Variants in COL11A2 observed in about 807,000 individuals in gnomAD.
COL11A2 encodes the protein collagen type XI alpha 2 chain.
Under a neutral mutation model 273.4 loss-of-function variants are expected in COL11A2, and 116 were observed. That is an observed-to-expected ratio of 0.42 (90% CI 0.36 to 0.49). COL11A2 has a LOEUF of 0.49. Ranked by LOEUF, COL11A2 falls within the 20% of genes least tolerant of loss-of-function variation. COL11A2 has a pLI of 0.00. For missense variants in COL11A2, 1,866 were observed against 2,309.0 expected (o/e 0.81, Z 3.93); for synonymous variants, 782 against 864.2 (o/e 0.90, Z 1.67).
At position 33,173,561 on chromosome 6, in the gene COL11A2, G is replaced by T; in HGVS notation, c.2629-6C>A. 1 of 1,346,680 alleles carries T rather than the reference G, an allele frequency of 7.4e-7. No homozygotes were observed. The allele number at this position is 1,346,680 out of a possible 1,614,324, so 83.4% of individuals were successfully genotyped here. A position where few individuals can be genotyped will look rare whatever the true frequency, so the allele number is the denominator to read the frequency against. ...CCCTGAGGTCCAGGGAGGCCCTAGA[G>T]ACAGAGGTGGGGGGAGTCAGGAGAA... On this transcript the variant is annotated splice_region_variant and splice_polypyrimidine_tract_variant and intron_variant, in intron 35 of 65. Coordinates refer to ENST00000341947, the MANE Select transcript of COL11A2 (RefSeq NM_080680.3). The surrounding 1 kb of genome is among the most constrained non-coding windows in gnomAD (Gnocchi z 6.3).
intron 3 of COL11A2, 63 bp downstream of exon 3, chr6:33,188,915 G>C: frequency 6.4e-7 from 1 of 1,565,354 alleles, no homozygotes; most frequent in Non-Finnish European, 8.8e-7. Context: ...AGAGTGTAGG[G>C]GTTTGGGGGC....
upstream of COL11A2, chr6:33,192,629 G>C: frequency 5.8e-6 from 2 of 346,876 alleles, no homozygotes; most frequent in Non-Finnish European, 1.1e-5. Flanking sequence ...GCTCTCTCCT[G>C]CCCCTTGTAG....
At position 33,164,192 on chromosome 6, in the gene COL11A2, C is replaced by A. The variant is rs746809867; in HGVS notation, c.5070+75G>T. On this transcript the variant is annotated intron_variant, in intron 65 of 65. Transcript: ENST00000341947. This position sits in a 1 kb window ranked among gnomAD's most constrained non-coding sequence, Gnocchi z 4.7. ...TCCCTGCTCCCCCTGGGTGCCCTGCCCAAGGGGTCTTCCCACCTCCTTCCT... is the reference window on the plus strand; with the variant it reads ...TCCCTGCTCCCCCTGGGTGCCCTGCACAAGGGGTCTTCCCACCTCCTTCCT... 134 of 1,554,168 alleles carry A rather than the reference C, an allele frequency of 8.6e-5. No homozygotes were observed. The highest frequency in any genetic ancestry group is 1.1e-4 in the Non-Finnish European group (126 of 1,140,454).
In COL11A2 at chr6:33,171,338, G is replaced by A; in HGVS notation, c.3259-14C>T. The stretch of plus-strand genomic sequence containing the variant: ...CCCCACCTCACCCTGGGAGGAGAAG[G>A]CAGACAAGATATTAGAGAAAGGTGA... On this transcript the variant is annotated splice_polypyrimidine_tract_variant and intron_variant, in intron 43 of 65. Coordinates refer to ENST00000341947, the MANE Select transcript of COL11A2 (RefSeq NM_080680.3). 6.2e-7 allele frequency: 1 copy of A among 1,614,178 alleles called. No individual in the cohort carries two copies. The highest frequency in any genetic ancestry group is 1.1e-5 in the South Asian group (1 of 91,090).
At chr6:33,175,965 T>C (rs779878255) in intron 29 of COL11A2, 51 bp downstream of exon 29, 2 of 1,602,020 alleles carry the variant, frequency 1.2e-6, no homozygotes, top group African/African-American at 2.7e-5. Flanking sequence ...GTCTCCAGAG[T>C]GGAGGCTCAG....
In COL11A2 at chr6:33,165,722, T is replaced by C. The variant is rs1209736959; in HGVS notation, c.4577A>G (p.Glu1526Gly). ...GGGGGCTCCCCCGGTCGGTATGGCC[T>C]CATCTTCCTGCATCAGACGGCTTCC... ...VDGSRLMQED[E>G]AIPTGGAPGS... The change falls in exon 63 of 66, where the codon GAG becomes GGG. Residue 1526 changes from glutamate (E) to glycine (G), a missense_variant. Glu to Gly is a moderately conservative substitution (Grantham distance 98). Transcript: ENST00000341947. The surrounding 1 kb of genome is among the most constrained non-coding windows in gnomAD (Gnocchi z 7.7). 1 of 1,611,408 alleles carries C rather than the reference T, an allele frequency of 6.2e-7. No homozygotes were observed. Among genetic ancestry groups the C allele is most frequent in the Non-Finnish European group, 8.5e-7 (1 of 1,179,966 alleles).
Position 33,178,998 on chromosome 6 carries a change from A to T in COL11A2, c.1612-25T>A. 6.2e-7 allele frequency: 1 copy of T among 1,614,010 alleles called. No individual in the cohort carries two copies. The highest frequency in any genetic ancestry group is 8.5e-7 in the Non-Finnish European group (1 of 1,179,950). The stretch of plus-strand genomic sequence containing the variant: ...CCTGGGAGAACAAGGGAAGTGTCAG[A>T]ACAAGCAGGGCCGCAGTCCCCTACC... On this transcript the variant is annotated intron_variant, in intron 16 of 65. Coordinates refer to ENST00000341947, the MANE Select transcript of COL11A2 (RefSeq NM_080680.3). The surrounding 1 kb of genome is among the most constrained non-coding windows in gnomAD (Gnocchi z 4.6).
chr6:33,166,439 A>T lies in COL11A2; in HGVS notation c.4392+74T>A, dbSNP rs1202966909. The T allele has an allele frequency of 1.3e-6, 2 of 1,535,498 alleles. No homozygotes were observed. The highest frequency in any genetic ancestry group is 1.8e-6 in the Non-Finnish European group (2 of 1,121,790). On this transcript the variant is annotated intron_variant, in intron 60 of 65. Transcript: ENST00000341947. This position sits in a 1 kb window ranked among gnomAD's most constrained non-coding sequence, Gnocchi z 4.8. ...GCTTGTTAGGCTGGTAGTTCCATGG[A>T]AGTCGTTGGGAGGCTGTGGGTGGGC...
chr6:33,175,988 T>C lies in COL11A2; in HGVS notation c.2268+28A>G, dbSNP rs184385243. The stretch of plus-strand genomic sequence containing the variant: ...AGTGGAGGCTCAGTAGAACACGGAA[T>C]TGGGGCCAGTGTGGGGTCTCTACTC... On this transcript the variant is annotated intron_variant, in intron 29 of 65. Coordinates refer to ENST00000341947, the MANE Select transcript of COL11A2 (RefSeq NM_080680.3). 2.1e-3 allele frequency: 3,357 copies of C among 1,612,662 alleles called. 6 individuals carry two copies. The highest frequency in any genetic ancestry group is 2.7e-3 in the Non-Finnish European group (3,133 of 1,179,726).
rs144862714 is a variant in COL11A2, at chr6:33,179,802, G to A, written c.1363C>T (p.Arg455Trp). 5.5e-5 allele frequency: 89 copies of A among 1,610,772 alleles called. No homozygotes were observed. Among genetic ancestry groups the A allele is most frequent in the Admixed American group, 1.5e-4 (9 of 60,022 alleles). Residue 455 changes from arginine (R) to tryptophan (W), a missense_variant, in exon 13 of 66, where the codon CGG becomes TGG. Physicochemically the swap from Arg to Trp is moderately radical, Grantham distance 101. Transcript: ENST00000341947. This position sits in a 1 kb window ranked among gnomAD's most constrained non-coding sequence, Gnocchi z 6.4. Reference sequence around the variant, plus strand: ...TTGTCACCCCCACCACTGCCAAACCGGAACTGAGGTCAAGGAGAGAAGGTC... The same window carrying A: ...TTGTCACCCCCACCACTGCCAAACCAGAACTGAGGTCAAGGAGAGAAGGTC... ...PPGTSLMLPF[R>W]FGSGGGDKGP... is the part of the protein sequence containing the mutation.
Position 33,163,573 on chromosome 6 carries a change from G to C in COL11A2, c.*105C>G, listed in dbSNP as rs1768643523. 1 of 1,574,274 alleles carries C rather than the reference G, an allele frequency of 6.4e-7. No homozygotes were observed. The highest frequency in any genetic ancestry group is 8.7e-7 in the Non-Finnish European group (1 of 1,145,744). On this transcript the variant is annotated 3_prime_UTR_variant, in exon 66 of 66. Coordinates refer to ENST00000341947, the MANE Select transcript of COL11A2 (RefSeq NM_080680.3). This position sits in a 1 kb window ranked among gnomAD's most constrained non-coding sequence, Gnocchi z 4.1. ...AGGGCTCTCCACGCCCTGGCCCAGG[G>C]CTCCCTAGATAGTGAGGAGCCCTCT...
rs1414049953 is a variant in COL11A2 at position 33,178,895 on chromosome 6, T to C, written c.1665+25A>G. The C allele has an allele frequency of 6.2e-7, 1 of 1,613,696 alleles. No individual in the cohort carries two copies. On this transcript the variant is annotated intron_variant, in intron 17 of 65. Transcript: ENST00000341947. The surrounding 1 kb of genome is among the most constrained non-coding windows in gnomAD (Gnocchi z 4.6). ...CAGCGTGGGCTGAAGGCTACAGGCT[T>C]CAGGGAGGGGCCCAAGCCTGTTACC...
chr6:33,166,922 G>A lies in COL11A2; in HGVS notation c.4231-95C>T, dbSNP rs1769236877. On this transcript the variant is annotated intron_variant, in intron 58 of 65. Coordinates refer to ENST00000341947, the MANE Select transcript of COL11A2 (RefSeq NM_080680.3). This position sits in a 1 kb window ranked among gnomAD's most constrained non-coding sequence, Gnocchi z 4.8. ...GGACATGGAGAGGGAGCCGGGCACA[G>A]GGTCCGTGAGTGGCCCTCACTGAGC... 1 of 1,517,832 alleles carries A rather than the reference G, an allele frequency of 6.6e-7. No individual in the cohort carries two copies. The highest frequency in any genetic ancestry group is 1.2e-5 in the South Asian group (1 of 86,262). 94.0% of individuals were successfully genotyped at this position (1,517,832 alleles called of 1,614,324 possible).
Position 33,170,217 on chromosome 6 carries a change from G to T in COL11A2, c.3582+109C>A. ...GTGAGGCAGTGGAGGCCTCCCGGGA[G>T]TAAGGGCTTCTCTTGGCCCCTGAGA... is the stretch of plus-strand genomic sequence containing the variant. On this transcript the variant is annotated intron_variant, in intron 48 of 65. Coordinates refer to ENST00000341947, the MANE Select transcript of COL11A2 (RefSeq NM_080680.3). The surrounding 1 kb of genome is among the most constrained non-coding windows in gnomAD (Gnocchi z 4.3). 6.4e-7 allele frequency: 1 copy of T among 1,572,382 alleles called. No homozygotes were observed. Among genetic ancestry groups the T allele is most frequent in the Non-Finnish European group, 8.7e-7 (1 of 1,144,982 alleles).
In COL11A2 at chr6:33,173,607, G is replaced by A. The variant is rs908899391; in HGVS notation, c.2629-52C>T. The A allele has an allele frequency of 3.6e-6, 4 of 1,126,312 alleles. No individual in the cohort carries two copies. The highest frequency in any genetic ancestry group is 5.2e-6 in the Non-Finnish European group (4 of 773,022). The allele number at this position is 1,126,312 out of a possible 1,614,324, so 69.8% of individuals were successfully genotyped here. On this transcript the variant is annotated intron_variant, in intron 35 of 65. Transcript: ENST00000341947. This position sits in a 1 kb window ranked among gnomAD's most constrained non-coding sequence, Gnocchi z 6.3. ...GAGAATGGGGGCAGGGGCTGAGTGG[G>A]GGAACTCAGCTTCCTTCCTGGGGTG...
In COL11A2 at chr6:33,174,217, C is replaced by T; in HGVS notation, c.2432G>A (p.Gly811Glu). 1 of 1,565,420 alleles carries T rather than the reference C, an allele frequency of 6.4e-7. No homozygotes were observed. The highest frequency in any genetic ancestry group is 8.7e-7 in the Non-Finnish European group (1 of 1,155,148). ...AGGAAAGCCAGGAAATCCTAGGGACCCCTGGTGAGAACGGAGAAGGGGGGA... is the reference window on the plus strand; with the variant it reads ...AGGAAAGCCAGGAAATCCTAGGGACTCCTGGTGAGAACGGAGAAGGGGGGA... ...PGYPGRQGPK[G>E]SLGFPGFPGA... is the part of the protein sequence containing the mutation. The change falls in exon 32 of 66, where the codon GGG becomes GAG. Residue 811 changes from glycine to glutamate, a missense_variant and splice_region_variant. By Grantham distance (98) the Gly-to-Glu change is moderately conservative (BLOSUM62 -2). Coordinates refer to ENST00000341947, the MANE Select transcript of COL11A2 (RefSeq NM_080680.3).
In COL11A2 at chr6:33,167,642, T is replaced by A. The variant is rs1221701512; in HGVS notation, c.4015-109A>T. On this transcript the variant is annotated intron_variant, in intron 55 of 65. Coordinates refer to ENST00000341947, the MANE Select transcript of COL11A2 (RefSeq NM_080680.3). The surrounding 1 kb of genome is among the most constrained non-coding windows in gnomAD (Gnocchi z 6.1). ...GAGGCAGGGAGGAAGGGCCAAACTC[T>A]AGGAGCCCCTAGCGCAGGAACAAGT... 1 of 1,457,396 alleles carries A rather than the reference T, an allele frequency of 6.9e-7. No individual in the cohort carries two copies. The highest frequency in any genetic ancestry group is 9.5e-7 in the Non-Finnish European group (1 of 1,053,780). The allele number at this position is 1,457,396 out of a possible 1,614,324, so 90.3% of individuals were successfully genotyped here.
rs984067928 is a variant in COL11A2 at position 33,176,790 on chromosome 6, G to A, written c.2071-25C>T. 1 of 1,610,522 alleles carries A rather than the reference G, an allele frequency of 6.2e-7. No individual in the cohort carries two copies. Among genetic ancestry groups the A allele is most frequent in the Non-Finnish European group, 8.5e-7 (1 of 1,178,672 alleles). Reference sequence around the variant, plus strand: ...CCTGGGAGTAAGGGATAGAAAATGTGACCAGTGGCCCCTGTCACCCTCTCT... The same window carrying A: ...CCTGGGAGTAAGGGATAGAAAATGTAACCAGTGGCCCCTGTCACCCTCTCT... On this transcript the variant is annotated intron_variant, in intron 25 of 65. Coordinates refer to ENST00000341947, the MANE Select transcript of COL11A2 (RefSeq NM_080680.3). The surrounding 1 kb of genome is among the most constrained non-coding windows in gnomAD (Gnocchi z 4.9).
At chr6:33,191,393 C>T (rs934855451) in intron 1 of COL11A2, among the ~76,000 whole-genome samples, 7 of 152,238 alleles carry the variant, frequency 4.6e-5, no homozygotes, top group African/African-American at 1.2e-4. Flanking sequence ...GCTCACAGCC[C>T]CCTCCTTGAC....
Sources: allele counts gnomAD v4.1 joint callset (sites outside exome capture counted in the v4.1 genomes callset), GRCh38; gene constraint gnomAD v4.1.1; non-coding constraint Gnocchi (gnomAD v3.1); transcripts MANE v1.5; gene names NCBI Gene and HGNC (gene_info 2026-07-23, HGNC 2026-07-21).